PTPRN2: variants seen among roughly 807,000 people sequenced by gnomAD.
The protein encoded by PTPRN2 is receptor-type tyrosine-protein phosphatase N2.
PTPRN2 carries 74 observed loss-of-function variants against 118.8 expected under a neutral mutation model. That is an observed-to-expected ratio of 0.62 (90% CI 0.52 to 0.76). The LOEUF (loss-of-function observed/expected upper bound fraction) is 0.76, where lower values mean the gene tolerates loss of function less well. Among genes scored for constraint, PTPRN2 ranks in the 30% least tolerant of loss-of-function variants. The probability of loss-of-function intolerance (pLI) is 0.00; values close to 1 mark genes in which losing one functional copy is unlikely to be tolerated. For synonymous variants in PTPRN2, 641 were observed against 608.0 expected, an observed-to-expected ratio of 1.05 and a Z score of -0.80; for missense variants, 1,481 against 1,394.4, an observed-to-expected ratio of 1.06 and a Z score of -0.99.
intron 12 of PTPRN2, among the ~76,000 whole-genome samples, chr7:157,835,668 C>G (rs926732576): frequency 5.3e-5 from 8 of 152,058 alleles, no homozygotes; most frequent in Admixed American, 1.3e-4. Flanking sequence ...ACAACATAGC[C>G]GAAGGGTGCA....
At chr7:157,864,233 A>T (rs1233542205) in intron 12 of PTPRN2, 1 of 151,910 alleles carries the variant, frequency 6.6e-6, no homozygotes, top group African/African-American at 2.4e-5. Context: ...CCTAAGGCTC[A>T]CTGGGCACCA....
chr7:158,203,731 C>T (rs907568366), intron 4 of PTPRN2, among the ~76,000 whole-genome samples: 6 of 152,146 alleles, frequency 3.9e-5, no homozygotes, highest in Admixed American at 3.3e-4. Flanking sequence ...CAGTGCACAA[C>T]GCCCCCAGTG....
At chr7:157,570,845 G>A (rs1799720353) in intron 20 of PTPRN2, among the ~76,000 whole-genome samples, 2 of 152,176 alleles carry the variant, frequency 1.3e-5, no homozygotes, top group South Asian at 2.1e-4. Context: ...CCATTGTCTC[G>A]ATGTTTCTGT....
intron 14 of PTPRN2, among the ~76,000 whole-genome samples, chr7:157,630,305 A>T (rs1803859884): frequency 6.6e-6 from 1 of 152,268 alleles, no homozygotes; most frequent in Non-Finnish European, 1.5e-5. Context: ...GTACATGTGA[A>T]CACAAAGAAG....
intron 3 of PTPRN2, among the ~76,000 whole-genome samples, chr7:158,246,212 T>C (rs78095415): frequency 0.035 from 5,252 of 151,922 alleles, 130 homozygotes; most frequent in East Asian, 0.11. Context: ...CGGCAAAATA[T>C]AAATACCCCA....
chr7:157,977,186 C>T lies in PTPRN2; in HGVS notation c.1724-78449G>A, dbSNP rs781720020. Among the ~76,000 whole-genome samples, 12 of 151,900 alleles carry T rather than the reference C, an allele frequency of 7.9e-5. No individual in the cohort carries two copies. The highest frequency in any genetic ancestry group is 4.1e-4 in the South Asian group (2 of 4,828). On this transcript the variant is annotated intron_variant, in intron 11 of 22. Coordinates refer to ENST00000389418, the MANE Select transcript of PTPRN2 (RefSeq NM_002847.5). The surrounding 1 kb of genome is among the most constrained non-coding windows in gnomAD (Gnocchi z 4.6). Reference sequence around the variant, plus strand: ...AAGCACACCTGTAGAGAGCCTATTGCGTACAGGTGCCGTTCCAGCACCGGG... The same window carrying T: ...AAGCACACCTGTAGAGAGCCTATTGTGTACAGGTGCCGTTCCAGCACCGGG...
chr7:158,499,993 T>C (rs753048975), intron 1 of PTPRN2, among the ~76,000 whole-genome samples: 1 of 147,564 alleles, frequency 6.8e-6, no homozygotes, highest in Non-Finnish European at 1.5e-5. Flanking sequence ...AGACAAAAAC[T>C]GCTTCCTGGC....
rs532702912 is a variant in PTPRN2 at position 158,057,103 on chromosome 7, G to A, written c.1723+24195C>T. On this transcript the variant is annotated intron_variant, in intron 11 of 22. Coordinates refer to ENST00000389418, the MANE Select transcript of PTPRN2 (RefSeq NM_002847.5). ...GGGACGCTGCCCAGCTCCCGATTCC[G>A]CTCAGCACCTGTGGACGCGGGAGCA... Among the ~76,000 whole-genome samples the A allele has an allele frequency of 1.2e-3, 183 of 152,286 alleles. 1 individual carries two copies. In the Middle Eastern group the frequency reaches 0.02, roughly 17 times the overall value.
chr7:157,871,533 TTG>T (rs1400099392), intron 12 of PTPRN2, among the ~76,000 whole-genome samples: 1 of 152,062 alleles, frequency 6.6e-6, no homozygotes, highest in African/African-American at 2.4e-5. Flanking sequence ...CCAATGGCAT[TTG>T]TCTCTATTGG....
chr7:158,040,356 T>G (rs12698133), intron 11 of PTPRN2, among the ~76,000 whole-genome samples: 3 of 151,632 alleles, frequency 2.0e-5, no homozygotes, highest in Admixed American at 6.6e-5. Flanking sequence ...CACATGCATA[T>G]ACACATGCAC....
intron 14 of PTPRN2, among the ~76,000 whole-genome samples, chr7:157,625,259 T>A (rs907742397): frequency 1.3e-5 from 2 of 152,342 alleles, no homozygotes; most frequent in Middle Eastern, 6.8e-3. Context: ...GATGTCATTA[T>A]ACGAAAAATA....
At chr7:157,696,871 G>T (rs2952629) in intron 12 of PTPRN2, among the ~76,000 whole-genome samples, 2 of 59,390 alleles carry the variant, frequency 3.4e-5, no homozygotes, top group African/African-American at 7.6e-5. Context: ...TGCATACTGG[G>T]TCTTGGCAGA....
At chr7:157,989,234 AT>A (rs533952621) in intron 11 of PTPRN2, among the ~76,000 whole-genome samples, 186 of 152,212 alleles carry the variant, frequency 1.2e-3, no homozygotes, top group African/African-American at 4.1e-3. Context: ...CCTGGGCAAC[AT>A]GGTGAAACTC....
At chr7:157,895,057 A>C (rs371435114) in intron 12 of PTPRN2, among the ~76,000 whole-genome samples, 30 of 137,726 alleles carry the variant, frequency 2.2e-4, no homozygotes, top group East Asian at 4.5e-4. Flanking sequence ...CCCCTCCCCC[A>C]CAGGAGGGGG....
rs568116587 is a variant in PTPRN2, at chr7:157,643,515, G to T, written c.2196+12842C>A. On this transcript the variant is annotated intron_variant, in intron 14 of 22. Transcript: ENST00000389418. ...GCACTGTGGCGGAGGTGTGGGGGCTGCAGGGGAAGGCCGTGATGGCCGCTG... is the reference window on the plus strand; with the variant it reads ...GCACTGTGGCGGAGGTGTGGGGGCTTCAGGGGAAGGCCGTGATGGCCGCTG... Among the ~76,000 whole-genome samples the T allele has an allele frequency of 4.6e-5, 7 of 152,368 alleles. No homozygotes were observed. The South Asian group carries it at 1.4e-3, about 32-fold the overall frequency.
At chr7:158,111,340 G>T (rs1209350966) in intron 9 of PTPRN2, among the ~76,000 whole-genome samples, 1 of 152,186 alleles carries the variant, frequency 6.6e-6, no homozygotes, top group African/African-American at 2.4e-5. Context: ...ATGGAAGTGT[G>T]AGCATGGAAA....
chr7:157,673,480 T>C (rs1268043714), intron 13 of PTPRN2, among the ~76,000 whole-genome samples: 1 of 152,236 alleles, frequency 6.6e-6, no homozygotes, highest in Non-Finnish European at 1.5e-5. Flanking sequence ...TTCAGACACC[T>C]GCAGAAATGC....
At chr7:158,513,486 G>A (rs1277864126) in intron 1 of PTPRN2, among the ~76,000 whole-genome samples, 2 of 152,198 alleles carry the variant, frequency 1.3e-5, no homozygotes, top group Admixed American at 1.3e-4. Context: ...AACAGTCATT[G>A]GTTCCTTAAT....
chr7:158,365,720 CCA>C (rs111424578), intron 2 of PTPRN2, among the ~76,000 whole-genome samples: 11 of 114,406 alleles, frequency 9.6e-5, no homozygotes, highest in East Asian at 2.6e-4. Context: ...GCACACACAC[CCA>C]CACACACACA....
Sources: allele counts gnomAD v4.1 joint callset (sites outside exome capture counted in the v4.1 genomes callset), GRCh38; gene constraint gnomAD v4.1.1; non-coding constraint Gnocchi (gnomAD v3.1); transcripts MANE v1.5; gene names NCBI Gene and HGNC (gene_info 2026-07-23, HGNC 2026-07-21).